Variants in PRKAR2A observed in about 807,000 individuals in gnomAD.
PRKAR2A encodes the protein cAMP-dependent protein kinase type II-alpha regulatory subunit.
Under a neutral mutation model 51.9 loss-of-function variants are expected in PRKAR2A, and 29 were observed. The observed-to-expected ratio is 0.56, with a 90% CI of 0.42 to 0.76. PRKAR2A has a LOEUF of 0.76. Among genes scored for constraint, PRKAR2A ranks in the 30% least tolerant of loss-of-function variants. The pLI is 0.00. For missense variants in PRKAR2A, 445 were observed against 512.1 expected, an observed-to-expected ratio of 0.87 and a Z score of 1.26; for synonymous variants, 178 against 186.2, an observed-to-expected ratio of 0.96 and a Z score of 0.36.
intron 8 of PRKAR2A, among the ~76,000 whole-genome samples, chr3:48,761,741 T>C (rs2081865841): frequency 6.6e-6 from 1 of 152,212 alleles, no homozygotes; most frequent in African/African-American, 2.4e-5. Context: ...ACCTCCCAAG[T>C]AGCTGGGATT....
chr3:48,758,886 G>GT (rs1170101227), intron 8 of PRKAR2A, among the ~76,000 whole-genome samples: 1 of 152,154 alleles, frequency 6.6e-6, no homozygotes, highest in African/African-American at 2.4e-5. Context: ...AGCAGGTAGC[G>GT]TGAGTAGTTG....
At chr3:48,764,720 G>T (rs531594612) in intron 8 of PRKAR2A, among the ~76,000 whole-genome samples, 2 of 152,258 alleles carry the variant, frequency 1.3e-5, no homozygotes, top group South Asian at 4.1e-4. Flanking sequence ...TGCCTCCTGG[G>T]TTCCAGCAAT....
intron 8 of PRKAR2A, among the ~76,000 whole-genome samples, chr3:48,762,540 C>T (rs1312575727): frequency 2.0e-5 from 3 of 152,144 alleles, no homozygotes; most frequent in African/African-American, 7.2e-5. Context: ...GAGGCTGAGG[C>T]ACAAGAATCG....
At chr3:48,826,025 G>C (rs1156534865) in intron 1 of PRKAR2A, among the ~76,000 whole-genome samples, 1 of 152,188 alleles carries the variant, frequency 6.6e-6, no homozygotes, top group East Asian at 1.9e-4. Context: ...AGCACTGAGA[G>C]GCTAAGGCAG....
intron 1 of PRKAR2A, among the ~76,000 whole-genome samples, chr3:48,823,157 C>T (rs1308576994): frequency 1.3e-5 from 2 of 151,970 alleles, no homozygotes; most frequent in African/African-American, 4.8e-5. Context: ...TCGCCCGCCT[C>T]AGCCTCCTGA....
At chr3:48,772,332 C>T (rs982738989) in intron 6 of PRKAR2A, among the ~76,000 whole-genome samples, 2 of 151,766 alleles carry the variant, frequency 1.3e-5, no homozygotes, top group Admixed American at 6.6e-5. Context: ...CTGCAACCTC[C>T]GCCTCCTGGG....
intron 4 of PRKAR2A, among the ~76,000 whole-genome samples, chr3:48,787,401 G>T (rs759155868): frequency 2.6e-5 from 4 of 152,034 alleles, no homozygotes; most frequent in African/African-American, 7.2e-5. Flanking sequence ...GGCCAGGCTG[G>T]TCTCAAACTC....
rs563586890 is a variant in PRKAR2A at position 48,823,882 on chromosome 3, T to C, written c.263-16198A>G. ...TAGCAAAAGGAAATCAGGAGGAAAT[T>C]TGAAGAGGTTACCACTACAAAAAGA... is the stretch of plus-strand genomic sequence containing the variant. On this transcript the variant is annotated intron_variant, in intron 1 of 10. Coordinates refer to ENST00000265563, the MANE Select transcript of PRKAR2A (RefSeq NM_004157.4). Among the ~76,000 whole-genome samples the C allele has an allele frequency of 1.4e-4, 21 of 151,312 alleles. No individual in the cohort carries two copies. In the South Asian group the frequency reaches 2.3e-3, roughly 17 times the overall value.
chr3:48,829,879 T>TATACA (rs1559647006), intron 1 of PRKAR2A, among the ~76,000 whole-genome samples: 3 of 98,764 alleles, frequency 3.0e-5, no homozygotes, highest in Non-Finnish European at 6.5e-5. Context: ...ATATTTTTTT[T>TATACA]TTTTTTTTAA....
intron 4 of PRKAR2A, among the ~76,000 whole-genome samples, chr3:48,787,633 T>C (rs2082317037): frequency 1.3e-5 from 2 of 152,318 alleles, no homozygotes; most frequent in East Asian, 3.9e-4. Context: ...CCCTTTTCCA[T>C]TTACATGGAT....
At chr3:48,830,635 T>C (rs1224874521) in intron 1 of PRKAR2A, among the ~76,000 whole-genome samples, 1 of 151,942 alleles carries the variant, frequency 6.6e-6, no homozygotes, top group African/African-American at 2.4e-5. Context: ...TGGAGAAGGG[T>C]TGGGGGATGG....
chr3:48,765,117 A>G, intron 7 of PRKAR2A, 39 bp from the exon 8 acceptor site: 2 of 1,595,736 alleles, frequency 1.3e-6, no homozygotes, highest in Non-Finnish European at 1.7e-6. Context: ...AAAAGACCTT[A>G]ATTGAAAGTC....
intron 10 of PRKAR2A, 152 bp from the exon 11 acceptor site, chr3:48,751,870 A>C (rs1345894862): frequency 3.1e-6 from 3 of 975,362 alleles, no homozygotes; most frequent in Non-Finnish European, 4.4e-6. Flanking sequence ...TGAATTCAGA[A>C]GACTGTCATC....
chr3:48,800,249 C>A (rs958664804), intron 2 of PRKAR2A, among the ~76,000 whole-genome samples: 5 of 151,288 alleles, frequency 3.3e-5, no homozygotes, highest in Admixed American at 1.3e-4. Context: ...GCACAGTGGC[C>A]CACATCTGTA....
intron 1 of PRKAR2A, among the ~76,000 whole-genome samples, chr3:48,842,846 G>A (rs2083401568): frequency 6.6e-6 from 1 of 152,244 alleles, no homozygotes; most frequent in Non-Finnish European, 1.5e-5. Context: ...CTGCATCAAT[G>A]TTCACCAAGG....
At chr3:48,810,917 T>C (rs1250643586) in intron 1 of PRKAR2A, among the ~76,000 whole-genome samples, 2 of 152,110 alleles carry the variant, frequency 1.3e-5, no homozygotes, top group Non-Finnish European at 1.5e-5. Context: ...TGGCTCATGC[T>C]TATAATCTCA....
chr3:48,820,652 CT>C (rs1409240279), intron 1 of PRKAR2A, among the ~76,000 whole-genome samples: 3 of 152,176 alleles, frequency 2.0e-5, no homozygotes, highest in Non-Finnish European at 4.4e-5. Flanking sequence ...CTGTGCCTCA[CT>C]TTCCTCATCT....
intron 1 of PRKAR2A, among the ~76,000 whole-genome samples, chr3:48,829,871 A>ATATATATATTTT (rs1297832658): frequency 1.1e-5 from 1 of 87,732 alleles, no homozygotes; most frequent in African/African-American, 5.4e-5. Flanking sequence ...ATATATATAT[A>ATATATATATTTT]TTTTTTTTTT....
intron 3 of PRKAR2A, among the ~76,000 whole-genome samples, chr3:48,793,582 T>A (rs2082428912): frequency 6.7e-6 from 1 of 150,366 alleles, no homozygotes; most frequent in African/African-American, 2.4e-5. Context: ...ATTTTTTTTT[T>A]AAGACTCAAG....
Sources: allele counts gnomAD v4.1 joint callset (sites outside exome capture counted in the v4.1 genomes callset), GRCh38; gene constraint gnomAD v4.1.1; transcripts MANE v1.5; gene names NCBI Gene and HGNC (gene_info 2026-07-23, HGNC 2026-07-21).